Variants in EXOC4 observed in about 807,000 individuals in gnomAD.
EXOC4 encodes the protein exocyst complex component 4, also known as SEC8-like 1.
EXOC4 carries 71 observed loss-of-function variants against 107.2 expected under a neutral mutation model. The observed-to-expected ratio is 0.66, with a 90% CI of 0.55 to 0.81. The LOEUF (loss-of-function observed/expected upper bound fraction) is 0.81, where lower values mean the gene tolerates loss of function less well. EXOC4 is among the 30% of genes least tolerant of loss of function. The pLI is 0.00. For synonymous variants in EXOC4, 456 were observed against 441.2 expected (o/e 1.03, Z -0.42); for missense variants, 1,108 against 1,189.6 (o/e 0.93, Z 1.01).
intron 13 of EXOC4, 82 bp from the exon 14 acceptor site, chr7:133,937,809 C>A: frequency 7.5e-7 from 1 of 1,334,480 alleles, no homozygotes; most frequent in Non-Finnish European, 1.1e-6. Context: ...AGTCCTTGTG[C>A]TAGGTGTGCC....
chr7:133,688,477 T>G (rs1308897643), intron 10 of EXOC4, among the ~76,000 whole-genome samples: 1 of 152,188 alleles, frequency 6.6e-6, no homozygotes, highest in African/African-American at 2.4e-5. Context: ...TGATGATTAT[T>G]TTTCTTTTGG....
At chr7:133,434,430 TG>T in intron 7 of EXOC4, among the ~76,000 whole-genome samples, 1 of 152,312 alleles carries the variant, frequency 6.6e-6, no homozygotes, top group East Asian at 1.9e-4. Flanking sequence ...ATTGTAAACA[TG>T]ATCTTTCCCT....
chr7:133,322,410 G>T (rs1409505137), intron 5 of EXOC4, among the ~76,000 whole-genome samples: 1 of 152,306 alleles, frequency 6.6e-6, no homozygotes, highest in South Asian at 2.1e-4. Context: ...TGTAAGGAAA[G>T]GGTCCAGTTT....
intron 10 of EXOC4, among the ~76,000 whole-genome samples, chr7:133,773,464 T>TTATTATTATTA (rs1796284998): frequency 6.7e-5 from 10 of 149,226 alleles, no homozygotes; most frequent in African/African-American, 2.5e-4. Context: ...TTACTAGGTT[T>TTATTATTATTA]TTATTATTAT....
At chr7:133,254,404 C>T (rs180689326) in intron 1 of EXOC4, among the ~76,000 whole-genome samples, 137 of 152,272 alleles carry the variant, frequency 9.0e-4, no homozygotes, top group Non-Finnish European at 1.3e-3. Context: ...CTCGCTGTGA[C>T]AATACGCAGG....
At chr7:133,684,295 CA>C (rs1374385028) in intron 10 of EXOC4, among the ~76,000 whole-genome samples, 1 of 152,098 alleles carries the variant, frequency 6.6e-6, no homozygotes, top group Non-Finnish European at 1.5e-5. Context: ...TTGAGTTGTG[CA>C]ATGCGCTCAT....
chr7:133,685,190 C>G (rs1794269780), intron 10 of EXOC4, among the ~76,000 whole-genome samples: 2 of 152,112 alleles, frequency 1.3e-5, no homozygotes, highest in African/African-American at 4.8e-5. Context: ...CGTCCCCACC[C>G]AAATCTCATT....
intron 14 of EXOC4, among the ~76,000 whole-genome samples, chr7:133,992,500 C>T (rs955368578): frequency 6.6e-6 from 1 of 151,850 alleles, no homozygotes; most frequent in African/African-American, 2.4e-5. Flanking sequence ...CCAGGTTGGT[C>T]TCTAACGCCT....
chr7:133,294,133 A>C (rs1051777951), intron 3 of EXOC4, among the ~76,000 whole-genome samples: 4 of 152,172 alleles, frequency 2.6e-5, no homozygotes, highest in African/African-American at 9.7e-5. Context: ...TATCACTCAA[A>C]ACACTCCAGC....
At chr7:133,719,742 A>G (rs1477967253) in intron 10 of EXOC4, among the ~76,000 whole-genome samples, 1 of 152,158 alleles carries the variant, frequency 6.6e-6, no homozygotes, top group Admixed American at 6.6e-5. Flanking sequence ...CATTAAATTG[A>G]ATTGGCAGAA....
chr7:133,525,530 A>C (rs1800062859), intron 9 of EXOC4, among the ~76,000 whole-genome samples: 1 of 152,162 alleles, frequency 6.6e-6, no homozygotes, highest in South Asian at 2.1e-4. Flanking sequence ...TTTCTGAAAT[A>C]GAGTTTTTAA....
chr7:133,787,968 TATATATATATATATATA>T (rs1562997694), intron 10 of EXOC4, among the ~76,000 whole-genome samples: 7 of 21,330 alleles, frequency 3.3e-4, no homozygotes, highest in Non-Finnish European at 5.8e-4. Flanking sequence ...TATATTTATA[TATATATATATATATATA>T]TATATATATA....
chr7:134,024,554 T>A (rs1795095432), intron 17 of EXOC4, among the ~76,000 whole-genome samples: 1 of 152,146 alleles, frequency 6.6e-6, no homozygotes, highest in African/African-American at 2.4e-5. Context: ...GAAAATCCAG[T>A]CATTTTAAAA....
intron 17 of EXOC4, among the ~76,000 whole-genome samples, chr7:134,027,656 C>CAAAAAAA (rs11408269): frequency 1.4e-4 from 18 of 124,798 alleles, no homozygotes; most frequent in Non-Finnish European, 2.4e-4. Flanking sequence ...GACTCCATCT[C>CAAAAAAA]AAAAAAAAAA....
chr7:133,458,005 T>A (rs1798503095), intron 7 of EXOC4, among the ~76,000 whole-genome samples: 1 of 152,214 alleles, frequency 6.6e-6, no homozygotes, highest in Admixed American at 6.5e-5. Flanking sequence ...ATTAGAAGTA[T>A]AATCAGAGAC....
At chr7:133,788,580 C>T (rs1391810708) in intron 10 of EXOC4, among the ~76,000 whole-genome samples, 3 of 152,026 alleles carry the variant, frequency 2.0e-5, no homozygotes, top group African/African-American at 7.2e-5. Flanking sequence ...GCAACCTCCA[C>T]CTCCCGGGTT....
chr7:133,948,154 G>A (rs1800599108), intron 14 of EXOC4, among the ~76,000 whole-genome samples: 1 of 152,156 alleles, frequency 6.6e-6, no homozygotes, highest in Non-Finnish European at 1.5e-5. Flanking sequence ...GTTCCAATGA[G>A]GAGCAGTGGA....
At chr7:133,939,902 C>T (rs1800388965) in intron 14 of EXOC4, among the ~76,000 whole-genome samples, 1 of 152,180 alleles carries the variant, frequency 6.6e-6, no homozygotes, top group South Asian at 2.1e-4. Context: ...CACTCTGCTC[C>T]CTTCTCCCCT....
chr7:133,389,486 T>C lies in EXOC4; in HGVS notation c.1182+14484T>C, dbSNP rs535189676. On this transcript the variant is annotated intron_variant, in intron 7 of 17. Coordinates refer to ENST00000253861, the MANE Select transcript of EXOC4 (RefSeq NM_021807.4). ...TACTTGGGAGGCTGAGGCAGGAGAA[T>C]CGCTTGAACCCAGGAGGCGGAGCTT... Among the ~76,000 whole-genome samples the C allele has an allele frequency of 2.1e-3, 309 of 147,540 alleles. 1 individual carries two copies. Among genetic ancestry groups the C allele is most frequent in the Admixed American group, 3.4e-3 (49 of 14,354 alleles).
Sources: gnomAD v4.1 joint callset for allele counts (sites outside exome capture counted in the v4.1 genomes callset) on GRCh38, gnomAD v4.1.1 for gene constraint, MANE v1.5 for transcripts, NCBI Gene and HGNC (gene_info 2026-07-23, HGNC 2026-07-21) for gene names.